The following SKP2 variants were observed in gnomAD, a reference collection of about 807,000 sequenced individuals.
The protein encoded by SKP2 is S-phase kinase-associated protein 2.
SKP2 carries 16 observed loss-of-function variants against 51.8 expected under a neutral mutation model. That is an observed-to-expected ratio of 0.31 (90% confidence interval 0.21 to 0.47). The LOEUF (loss-of-function observed/expected upper bound fraction) is 0.47. Among genes scored for constraint, SKP2 ranks in the 20% least tolerant of loss-of-function variants. The pLI, the probability that SKP2 is intolerant of heterozygous loss-of-function variation, is 1.00. For synonymous variants in SKP2, 176 were observed against 198.6 expected, an observed-to-expected ratio of 0.89 and a Z score of 0.96; for missense variants, 377 against 505.3, an observed-to-expected ratio of 0.75 and a Z score of 2.43.
downstream of SKP2, among the ~76,000 whole-genome samples, chr5:36,186,252 C>G (rs989216135): frequency 9.2e-5 from 14 of 152,192 alleles, no homozygotes; most frequent in African/African-American, 3.1e-4. Context: ...ATTTCTTTCT[C>G]CTTCCTGATT....
At position 36,183,458 on chromosome 5, in the gene SKP2, G is replaced by A. The variant is rs1745879158; in HGVS notation, c.*1427G>A. ...ATTTTTTTGTATTTTTAGTAGAGACGGGGTTTCACCATGTTAGCCAGGATG... is the reference window on the plus strand; with the variant it reads ...ATTTTTTTGTATTTTTAGTAGAGACAGGGTTTCACCATGTTAGCCAGGATG... On this transcript the variant is annotated 3_prime_UTR_variant, in exon 10 of 10. Transcript: ENST00000274255. 1.8e-5 allele frequency: 6 copies of A among 324,918 alleles called. No homozygotes were observed. In the South Asian group the frequency reaches 6.1e-4, roughly 33 times the overall value. The allele number at this position is 324,918 out of a possible 1,614,324, so 20.1% of individuals were successfully genotyped here.
At position 36,183,982 on chromosome 5, in the gene SKP2, TACTTTTATAG is replaced by T. The variant is rs774628164; in HGVS notation, c.*1956_*1965del. ...AATCTGTATTTTTGTATGTGATTTCTACTTTTATAGACTTGTTTTAAAACAATAAAACACA... is the reference window on the plus strand; with the variant it reads ...AATCTGTATTTTTGTATGTGATTTCTACTTGTTTTAAAACAATAAAACACA... On this transcript the variant is annotated 3_prime_UTR_variant, in exon 10 of 10. Transcript: ENST00000274255. 2 of 1,600,752 alleles carry T rather than the reference TACTTTTATAG, an allele frequency of 1.2e-6. No individual in the cohort carries two copies. Among genetic ancestry groups the T allele is most frequent in the African/African-American group, 2.7e-5 (2 of 74,682 alleles).
At chr5:36,161,747 C>G (rs567063747) in intron 2 of SKP2, among the ~76,000 whole-genome samples, 221 of 152,276 alleles carry the variant, frequency 1.5e-3, no homozygotes, top group African/African-American at 5.1e-3. Context: ...GTTTTTCTCC[C>G]TTGTGTCCTC....
intron 4 of SKP2, among the ~76,000 whole-genome samples, chr5:36,167,613 C>CTTT (rs34943870): frequency 2.0e-5 from 3 of 150,216 alleles, no homozygotes; most frequent in Non-Finnish European, 3.0e-5. Flanking sequence ...TTTGGCCTCC[C>CTTT]TTTTTTTTTA....
rs1745429048 is a variant in SKP2, at chr5:36,170,360, T to C, written c.688T>C (p.Ser230Pro). Residue 230 changes from serine (S) to proline (P), a missense_variant, in exon 6 of 10, where the codon TCA becomes CCA. By Grantham distance (74) the Ser-to-Pro change is moderately conservative. Transcript: ENST00000274255. ...DPIVNTLAKN[S>P]NLVRLNLSGC... ...TTTTTCCAGTACTCTCGCAAAAAAC[T>C]CAAATTTAGTGCGACTTAACCTTTC... The C allele has an allele frequency of 3.1e-6, 5 of 1,611,838 alleles. No homozygotes were observed. The highest frequency in any genetic ancestry group is 4.2e-6 in the Non-Finnish European group (5 of 1,178,706).
At chr5:36,167,267 G>A (rs916192260) in intron 4 of SKP2, among the ~76,000 whole-genome samples, 3 of 152,108 alleles carry the variant, frequency 2.0e-5, no homozygotes, top group African/African-American at 7.2e-5. Flanking sequence ...GATAAAACAT[G>A]TCTCCTGACT....
intron 7 of SKP2, among the ~76,000 whole-genome samples, chr5:36,175,773 G>A (rs980551902): frequency 4.6e-5 from 7 of 151,898 alleles, no homozygotes; most frequent in African/African-American, 1.7e-4. Context: ...ATCAGAAAGC[G>A]TTTTCATAAT....
downstream of SKP2, among the ~76,000 whole-genome samples, chr5:36,187,078 TTGG>T (rs1745962439): frequency 6.6e-6 from 1 of 152,220 alleles, no homozygotes; most frequent in Non-Finnish European, 1.5e-5. Flanking sequence ...TTCTGTGGGA[TTGG>T]TGGTGATATC....
chr5:36,156,678 A>C (rs533568436), intron 2 of SKP2, among the ~76,000 whole-genome samples: 1 of 152,192 alleles, frequency 6.6e-6, no homozygotes, highest in African/African-American at 2.4e-5. Flanking sequence ...CCCTTTAAAC[A>C]GGTGATAGCC....
chr5:36,153,785 T>C (rs1365978157), intron 2 of SKP2, among the ~76,000 whole-genome samples: 1 of 152,212 alleles, frequency 6.6e-6, no homozygotes, highest in Non-Finnish European at 1.5e-5. Context: ...ACTTACTGTA[T>C]CTTCCCTCCT....
chr5:36,168,530 C>A, intron 5 of SKP2, 83 bp downstream of exon 5: 1 of 1,301,540 alleles, frequency 7.7e-7, no homozygotes. Flanking sequence ...GGGTGCCCTT[C>A]TAGCCATATC....
downstream of SKP2, among the ~76,000 whole-genome samples, chr5:36,185,528 A>G (rs1259495325): frequency 6.6e-6 from 1 of 152,050 alleles, no homozygotes; most frequent in Non-Finnish European, 1.5e-5. Flanking sequence ...CCCATTTCTT[A>G]TTTTTGTCAG....
intron 2 of SKP2, chr5:36,155,358 G>T (rs1471492363): frequency 1.3e-5 from 2 of 152,138 alleles, no homozygotes; most frequent in Admixed American, 1.3e-4. Context: ...GTCAGATCTG[G>T]GTTTGAATCC....
At chr5:36,174,888 G>A (rs1311149121) in intron 7 of SKP2, among the ~76,000 whole-genome samples, 1 of 152,140 alleles carries the variant, frequency 6.6e-6, no homozygotes, top group Non-Finnish European at 1.5e-5. Flanking sequence ...ATGTGTGAGA[G>A]GGAGCAGGGA....
intron 7 of SKP2, 51 bp from the exon 8 acceptor site, chr5:36,176,914 T>C: frequency 8.3e-7 from 1 of 1,203,262 alleles, no homozygotes. Context: ...CAAATATCCT[T>C]GTCTTGTTCC....
intron 2 of SKP2, among the ~76,000 whole-genome samples, chr5:36,159,148 G>C (rs1333541688): frequency 2.2e-4 from 33 of 152,166 alleles, no homozygotes; most frequent in Admixed American, 2.2e-3. Flanking sequence ...CTTTGAGCAG[G>C]TGCCATTTAA....
At chr5:36,181,736 T>C (rs1745817420) in intron 9 of SKP2, 82 bp from the exon 10 acceptor site, 2 of 1,455,976 alleles carry the variant, frequency 1.4e-6, no homozygotes. Flanking sequence ...ATGACACAAA[T>C]TGTAAAATTT....
intron 6 of SKP2, among the ~76,000 whole-genome samples, chr5:36,192,207 G>C (rs544865491): frequency 6.6e-6 from 1 of 152,214 alleles, no homozygotes; most frequent in East Asian, 1.9e-4. Flanking sequence ...CCAATCCCTT[G>C]AGTACTTTTA....
intron 6 of SKP2, among the ~76,000 whole-genome samples, chr5:36,170,742 T>C (rs1214487144): frequency 6.6e-6 from 1 of 152,232 alleles, no homozygotes; most frequent in Admixed American, 6.5e-5. Flanking sequence ...CACACTTAAC[T>C]GTACATTCAG....
Sources: allele counts gnomAD v4.1 joint callset (sites outside exome capture counted in the v4.1 genomes callset), GRCh38; gene constraint gnomAD v4.1.1; transcripts MANE v1.5; gene names NCBI Gene and HGNC (gene_info 2026-07-23, HGNC 2026-07-21).